The following SHISA6 variants were observed in gnomAD, a reference collection of about 807,000 sequenced individuals.
SHISA6 encodes protein shisa-6.
A neutral mutation model predicts 47.9 loss-of-function variants in SHISA6; 22 were observed. That is an observed-to-expected ratio of 0.46 (90% CI 0.33 to 0.66). The LOEUF (loss-of-function observed/expected upper bound fraction) is 0.66. Among genes scored for constraint, SHISA6 ranks in the 30% least tolerant of loss-of-function variants. SHISA6 has a pLI of 0.02. For missense variants in SHISA6, 680 were observed against 764.6 expected (o/e 0.89, Z 1.30); for synonymous variants, 388 against 337.8 (o/e 1.15, Z -1.63).
At chr17:11,369,935 C>T (rs992373386) in intron 2 of SHISA6, among the ~76,000 whole-genome samples, 2 of 152,194 alleles carry the variant, frequency 1.3e-5, no homozygotes, top group South Asian at 4.1e-4. Context: ...TGAATGTGCC[C>T]AGGGCTGGGA....
At chr17:11,442,467 T>C in intron 3 of SHISA6, among the ~76,000 whole-genome samples, 1 of 152,188 alleles carries the variant, frequency 6.6e-6, no homozygotes, top group East Asian at 1.9e-4. Context: ...AAAGCAGGTC[T>C]CAGGTTCCAG....
At chr17:11,532,871 C>G (rs572389982) in intron 3 of SHISA6, among the ~76,000 whole-genome samples, 108 of 149,784 alleles carry the variant, frequency 7.2e-4, no homozygotes, top group African/African-American at 2.5e-3. Flanking sequence ...GCTCCACATC[C>G]TTTCCACTGG....
intron 2 of SHISA6, among the ~76,000 whole-genome samples, chr17:11,320,629 G>A (rs1387564019): frequency 6.7e-6 from 1 of 150,298 alleles, no homozygotes; most frequent in Non-Finnish European, 1.5e-5. Context: ...TTGCACTCCA[G>A]CCTGGGCAAC....
At chr17:11,538,456 C>T (rs979518320) in intron 3 of SHISA6, among the ~76,000 whole-genome samples, 4 of 152,034 alleles carry the variant, frequency 2.6e-5, no homozygotes, top group South Asian at 4.1e-4. Context: ...AGGCAAGCAC[C>T]GAGGAATAGG....
intron 3 of SHISA6, among the ~76,000 whole-genome samples, chr17:11,442,898 C>T (rs1915128970): frequency 6.6e-6 from 1 of 152,140 alleles, no homozygotes; most frequent in Non-Finnish European, 1.5e-5. Flanking sequence ...TCCTTTTAGC[C>T]AAGCCACTGC....
At chr17:11,477,318 G>GTTCTTA (rs1163507609) in intron 3 of SHISA6, among the ~76,000 whole-genome samples, 1 of 151,270 alleles carries the variant, frequency 6.6e-6, no homozygotes, top group Admixed American at 6.6e-5. Context: ...TTTCTGTGTT[G>GTTCTTA]TTCTTTATGT....
chr17:11,392,344 C>T (rs976220637), intron 3 of SHISA6, among the ~76,000 whole-genome samples: 20 of 152,140 alleles, frequency 1.3e-4, no homozygotes, highest in African/African-American at 3.1e-4. Flanking sequence ...ACTCTCAGTG[C>T]GGCAGTGTTA....
chr17:11,244,948 T>C (rs984657512), intron 1 of SHISA6, among the ~76,000 whole-genome samples: 1 of 152,120 alleles, frequency 6.6e-6, no homozygotes, highest in African/African-American at 2.4e-5. Context: ...GGATGGGCCA[T>C]CTGCATCTGC....
chr17:11,488,378 C>A (rs530474612), intron 3 of SHISA6, among the ~76,000 whole-genome samples: 65 of 152,264 alleles, frequency 4.3e-4, no homozygotes, highest in African/African-American at 1.5e-3. Context: ...TGGCTACCCA[C>A]AGTAAAGATT....
chr17:11,557,709 A>C (rs1399606051), intron 5 of SHISA6, 45 bp from the exon 6 acceptor site: 1 of 1,487,980 alleles, frequency 6.7e-7, no homozygotes. Flanking sequence ...TCCTGGCTGC[A>C]GGGTCACCCC....
At chr17:11,260,221 C>T (rs779678536) in intron 1 of SHISA6, among the ~76,000 whole-genome samples, 1 of 152,070 alleles carries the variant, frequency 6.6e-6, no homozygotes, top group African/African-American at 2.4e-5. Context: ...CCGAGAAAGC[C>T]AAGAAATAGA....
chr17:11,369,926 G>A (rs1177423595), intron 2 of SHISA6, among the ~76,000 whole-genome samples: 1 of 152,170 alleles, frequency 6.6e-6, no homozygotes, highest in Non-Finnish European at 1.5e-5. Flanking sequence ...TAGGCACATT[G>A]AATGTGCCCA....
At chr17:11,254,209 C>T (rs1049350597) in intron 1 of SHISA6, among the ~76,000 whole-genome samples, 3 of 152,220 alleles carry the variant, frequency 2.0e-5, no homozygotes, top group Non-Finnish European at 4.4e-5. Flanking sequence ...AGCTGAGCTA[C>T]AAGACAGAGT....
intron 3 of SHISA6, among the ~76,000 whole-genome samples, chr17:11,398,749 C>T (rs1234830964): frequency 6.6e-6 from 1 of 151,996 alleles, no homozygotes; most frequent in African/African-American, 2.4e-5. Flanking sequence ...TGTGCCACCA[C>T]GCCCAGCTAA....
At chr17:11,484,998 T>G (rs1362231006) in intron 3 of SHISA6, among the ~76,000 whole-genome samples, 1 of 152,172 alleles carries the variant, frequency 6.6e-6, no homozygotes, top group East Asian at 1.9e-4. Flanking sequence ...TCTCAGCCCA[T>G]CAGGTAGCTT....
chr17:11,261,367 G>A (rs1020436208), intron 1 of SHISA6, among the ~76,000 whole-genome samples: 1 of 152,218 alleles, frequency 6.6e-6, no homozygotes, highest in African/African-American at 2.4e-5. Flanking sequence ...AACACCTTTT[G>A]CTGTACACCC....
intron 3 of SHISA6, among the ~76,000 whole-genome samples, chr17:11,525,659 A>AAAAC (rs2071672143): frequency 8.1e-5 from 12 of 148,860 alleles, no homozygotes; most frequent in African/African-American, 2.8e-4. Flanking sequence ...AAACAAAAAA[A>AAAAC]AAAAAACGTG....
intron 2 of SHISA6, among the ~76,000 whole-genome samples, chr17:11,282,552 C>T (rs575085146): frequency 1.6e-4 from 24 of 152,138 alleles, no homozygotes; most frequent in Non-Finnish European, 2.5e-4. Flanking sequence ...TCCCCCAGTC[C>T]CCCACCTGCC....
intron 3 of SHISA6, among the ~76,000 whole-genome samples, chr17:11,426,618 C>A (rs1914617026): frequency 6.6e-6 from 1 of 152,124 alleles, no homozygotes; most frequent in Non-Finnish European, 1.5e-5. Flanking sequence ...CACAGCACTG[C>A]AAGAAAATAT....
Sources: allele counts gnomAD v4.1 joint callset (sites outside exome capture counted in the v4.1 genomes callset), GRCh38; gene constraint gnomAD v4.1.1; transcripts MANE v1.5; gene names NCBI Gene and HGNC (gene_info 2026-07-23, HGNC 2026-07-21).